Variants in TMEM108 observed in about 807,000 individuals in gnomAD.
TMEM108 encodes cancer/testis antigen 124.
Under a neutral mutation model 35.1 loss-of-function variants are expected in TMEM108, and 12 were observed. The ratio of observed to expected loss-of-function variants is 0.34; its 90% CI spans 0.22 to 0.55. The LOEUF (loss-of-function observed/expected upper bound fraction) is 0.55. TMEM108 is among the 20% of genes least tolerant of loss of function. TMEM108 has a pLI of 0.89. For missense variants in TMEM108, 680 were observed against 753.3 expected, an observed-to-expected ratio of 0.90 and a Z score of 1.14; for synonymous variants, 287 against 308.6, an observed-to-expected ratio of 0.93 and a Z score of 0.73.
chr3:133,175,052 G>C (rs927311650), intron 2 of TMEM108, among the ~76,000 whole-genome samples: 2 of 152,140 alleles, frequency 1.3e-5, no homozygotes, highest in Admixed American at 1.3e-4. Flanking sequence ...TAACCGATGC[G>C]ATCAACTGGA....
At chr3:133,337,644 C>G (rs1000270806) in intron 3 of TMEM108, among the ~76,000 whole-genome samples, 1 of 151,966 alleles carries the variant, frequency 6.6e-6, no homozygotes, top group African/African-American at 2.4e-5. Context: ...GCCCAGACGT[C>G]GAAGAACATC....
intron 3 of TMEM108, among the ~76,000 whole-genome samples, chr3:133,264,085 C>T (rs1024024306): frequency 5.9e-5 from 9 of 152,118 alleles, no homozygotes; most frequent in Non-Finnish European, 4.4e-5. Flanking sequence ...GCAGGAGGAT[C>T]GCTTGAGGCT....
At position 133,318,312 on chromosome 3, in the gene TMEM108, G is replaced by A. The variant is rs1198308188; in HGVS notation, c.41-61440G>A. 2.0e-5 allele frequency among the ~76,000 whole-genome samples: 3 copies of A among 152,136 alleles called. No homozygotes were observed. In the East Asian group the frequency reaches 5.8e-4, roughly 29 times the overall value. ...TCACTCCAGTGACAGCATAGGGGAG[G>A]AAAAATGGGGATAGTAACTGGTTTA... On this transcript the variant is annotated intron_variant, in intron 3 of 5. Transcript: ENST00000321871.
At chr3:133,233,931 T>C (rs1339105043) in intron 3 of TMEM108, among the ~76,000 whole-genome samples, 2 of 151,720 alleles carry the variant, frequency 1.3e-5, no homozygotes, top group Admixed American at 1.3e-4. Context: ...CTGTAGATTC[T>C]GGATATTAGC....
At chr3:133,261,376 T>C (rs1017918333) in intron 3 of TMEM108, among the ~76,000 whole-genome samples, 1 of 152,112 alleles carries the variant, frequency 6.6e-6, no homozygotes, top group African/African-American at 2.4e-5. Flanking sequence ...AATTTCTGGA[T>C]TGGTTTTGGT....
chr3:133,039,788 C>G (rs1430063291), intron 1 of TMEM108, among the ~76,000 whole-genome samples: 2 of 152,148 alleles, frequency 1.3e-5, no homozygotes, highest in Admixed American at 1.3e-4. Flanking sequence ...TACCTTGTCC[C>G]TTGGAGACAT....
intron 4 of TMEM108, among the ~76,000 whole-genome samples, chr3:133,381,687 T>A (rs949019599): frequency 6.6e-6 from 1 of 152,166 alleles, no homozygotes; most frequent in African/African-American, 2.4e-5. Flanking sequence ...TCCATCCTCT[T>A]TCTTGTGTTT....
rs568390081 is a variant in TMEM108 at position 133,188,780 on chromosome 3, T to G, written c.-46-40486T>G. 3.5e-4 allele frequency among the ~76,000 whole-genome samples: 54 copies of G among 152,298 alleles called. 1 individual carries two copies. The highest frequency in any genetic ancestry group is 1.2e-3 in the African/African-American group (51 of 41,572). ...TGGTTTGACATAATAAAAATTTATT[T>G]ATTGTTAACATCCTGGGCCCAATGC... On this transcript the variant is annotated intron_variant, in intron 2 of 5. Transcript: ENST00000321871.
At chr3:133,225,311 G>T (rs1946053442) in intron 2 of TMEM108, among the ~76,000 whole-genome samples, 1 of 152,128 alleles carries the variant, frequency 6.6e-6, no homozygotes, top group African/African-American at 2.4e-5. Context: ...CTCCCAAAGT[G>T]CTGGGATTAC....
intron 2 of TMEM108, among the ~76,000 whole-genome samples, chr3:133,150,738 G>T (rs1028792242): frequency 6.6e-6 from 1 of 152,148 alleles, no homozygotes; most frequent in Non-Finnish European, 1.5e-5. Flanking sequence ...CTAAACTGAG[G>T]TGAGATCAGA....
chr3:133,046,786 T>G (rs913319335), intron 2 of TMEM108, among the ~76,000 whole-genome samples: 5 of 152,094 alleles, frequency 3.3e-5, no homozygotes, highest in African/African-American at 1.2e-4. Context: ...CCAGCCTCCT[T>G]GAAGGGAAAA....
chr3:133,299,832 C>T (rs1024183689), intron 3 of TMEM108, among the ~76,000 whole-genome samples: 1 of 152,110 alleles, frequency 6.6e-6, no homozygotes, highest in South Asian at 2.1e-4. Flanking sequence ...TACATCTGTT[C>T]CCCATTCTTC....
intron 4 of TMEM108, among the ~76,000 whole-genome samples, chr3:133,381,608 G>A (rs1197313): frequency 0.38 from 57,416 of 152,002 alleles, 11,301 homozygotes; most frequent in Non-Finnish European, 0.42. Context: ...CCAAGACACC[G>A]TAGGTCAATG....
chr3:133,178,013 T>C (rs550025022), intron 2 of TMEM108, among the ~76,000 whole-genome samples: 16 of 151,818 alleles, frequency 1.1e-4, no homozygotes, highest in African/African-American at 3.1e-4. Flanking sequence ...TTCTTATACA[T>C]CAATAACAGA....
chr3:133,355,327 C>T (rs1559922730), intron 3 of TMEM108, among the ~76,000 whole-genome samples: 1 of 152,076 alleles, frequency 6.6e-6, no homozygotes, highest in Non-Finnish European at 1.5e-5. Flanking sequence ...ATCTTAATAT[C>T]TCTGAAACCA....
intron 3 of TMEM108, among the ~76,000 whole-genome samples, chr3:133,345,752 T>G (rs1037960542): frequency 3.9e-5 from 6 of 151,980 alleles, no homozygotes; most frequent in African/African-American, 1.2e-4. Flanking sequence ...AAGGCAATAT[T>G]GCTTGAAAAG....
At chr3:133,374,888 C>G (rs183690506) in intron 3 of TMEM108, among the ~76,000 whole-genome samples, 18 of 152,132 alleles carry the variant, frequency 1.2e-4, no homozygotes, top group African/African-American at 4.3e-4. Flanking sequence ...TGGCAGAGCC[C>G]CCTGGGGAGA....
At chr3:133,211,906 T>C (rs1945838901) in intron 2 of TMEM108, among the ~76,000 whole-genome samples, 1 of 152,198 alleles carries the variant, frequency 6.6e-6, no homozygotes, top group African/African-American at 2.4e-5. Flanking sequence ...TTGGTGGAAC[T>C]GACAACCTCC....
chr3:133,125,720 T>A (rs1031322836), intron 2 of TMEM108, among the ~76,000 whole-genome samples: 2 of 152,222 alleles, frequency 1.3e-5, no homozygotes, highest in African/African-American at 4.8e-5. Flanking sequence ...GAAGTGTATA[T>A]ATAAATTTAT....
Sources: gnomAD v4.1 joint callset for allele counts (sites outside exome capture counted in the v4.1 genomes callset) on GRCh38, gnomAD v4.1.1 for gene constraint, MANE v1.5 for transcripts, NCBI Gene and HGNC (gene_info 2026-07-23, HGNC 2026-07-21) for gene names.